MB21D2: variants seen among roughly 807,000 people sequenced by gnomAD.
MB21D2 encodes the protein nucleotidyltransferase MB21D2.
MB21D2 carries 9 observed loss-of-function variants against 33.3 expected under a neutral mutation model. That is an observed-to-expected ratio of 0.27 (90% confidence interval 0.16 to 0.47). The LOEUF is 0.47. Among genes scored for constraint, MB21D2 ranks in the 20% least tolerant of loss-of-function variants. The pLI is 0.99. For missense variants in MB21D2, 540 were observed against 624.6 expected, an observed-to-expected ratio of 0.86 and a Z score of 1.44; for synonymous variants, 241 against 236.3, an observed-to-expected ratio of 1.02 and a Z score of -0.18.
Position 192,798,576 on chromosome 3 carries a change from T to C in MB21D2, c.1286A>G (p.Gln429Arg), listed in dbSNP as rs1720572598. The change falls in exon 2 of 2, where the codon CAG (glutamine) becomes CGG (arginine). Residue 429 changes from glutamine to arginine, a missense_variant. Coordinates refer to ENST00000392452, the MANE Select transcript of MB21D2 (RefSeq NM_178496.4). The surrounding 1 kb of genome is among the most constrained non-coding windows in gnomAD (Gnocchi z 4.8). ...GATGCTGGTGGTGCTACCTCGCCTC[T>C]GGAGCTCCAGTGTCAGCCGGTTGGC... is the stretch of plus-strand genomic sequence containing the variant. ...KAANRLTLEL[Q>R]RRGSTTSIPS... 1 of 1,614,096 alleles carries C rather than the reference T, an allele frequency of 6.2e-7. No individual in the cohort carries two copies. The highest frequency in any genetic ancestry group is 8.5e-7 in the Non-Finnish European group (1 of 1,180,048).
At chr3:192,811,246 T>A (rs1307359182) in intron 1 of MB21D2, among the ~76,000 whole-genome samples, 1 of 152,168 alleles carries the variant, frequency 6.6e-6, no homozygotes, top group Non-Finnish European at 1.5e-5. Flanking sequence ...ATAGACAGAA[T>A]CTTTATTGGC....
intron 1 of MB21D2, among the ~76,000 whole-genome samples, chr3:192,912,186 T>C (rs895476272): frequency 1.3e-5 from 2 of 151,798 alleles, no homozygotes; most frequent in Admixed American, 6.6e-5. Context: ...CCTGCTAGAG[T>C]TGGTGGGCAA....
chr3:192,890,086 C>T (rs914466298), intron 1 of MB21D2, among the ~76,000 whole-genome samples: 4 of 152,020 alleles, frequency 2.6e-5, no homozygotes, highest in East Asian at 1.9e-4. Flanking sequence ...ATAACAGAAA[C>T]AAGAACCAAG....
chr3:192,847,497 T>C (rs575866613), intron 1 of MB21D2, among the ~76,000 whole-genome samples: 1 of 152,184 alleles, frequency 6.6e-6, no homozygotes, highest in Non-Finnish European at 1.5e-5. Flanking sequence ...TTGTAAAATA[T>C]GATCAACTCA....
chr3:192,851,477 C>CT (rs929044761), intron 1 of MB21D2, among the ~76,000 whole-genome samples: 11 of 134,478 alleles, frequency 8.2e-5, no homozygotes, highest in Admixed American at 3.0e-4. Context: ...AAATTGTACA[C>CT]TTTTTTTTTG....
chr3:192,805,814 G>A (rs112317210), intron 1 of MB21D2, among the ~76,000 whole-genome samples: 36 of 152,330 alleles, frequency 2.4e-4, no homozygotes, highest in Admixed American at 6.5e-4. Flanking sequence ...TAAGCGCATC[G>A]TAGATATTTA....
chr3:192,812,803 G>C (rs1197781686), intron 1 of MB21D2, among the ~76,000 whole-genome samples: 2 of 152,168 alleles, frequency 1.3e-5, no homozygotes, highest in Admixed American at 1.3e-4. Context: ...TATAACTATA[G>C]TGTGATCTAA....
intron 1 of MB21D2, among the ~76,000 whole-genome samples, chr3:192,858,076 G>A (rs1337248873): frequency 6.6e-6 from 1 of 152,172 alleles, no homozygotes; most frequent in Non-Finnish European, 1.5e-5. Flanking sequence ...GGTGAGCCAA[G>A]ATCACACCAC....
At chr3:192,860,713 G>A (rs1474381162) in intron 1 of MB21D2, among the ~76,000 whole-genome samples, 1 of 152,264 alleles carries the variant, frequency 6.6e-6, no homozygotes, top group African/African-American at 2.4e-5. Context: ...TTGAGAAAAC[G>A]CAAGGACTGG....
chr3:192,811,004 G>A (rs1434173633), intron 1 of MB21D2, among the ~76,000 whole-genome samples: 1 of 152,190 alleles, frequency 6.6e-6, no homozygotes, highest in Non-Finnish European at 1.5e-5. Context: ...GATGTTCCCA[G>A]CCCCTCTCCT....
At chr3:192,914,867 A>G (rs1212375630) in intron 1 of MB21D2, among the ~76,000 whole-genome samples, 2 of 152,196 alleles carry the variant, frequency 1.3e-5, no homozygotes, top group Admixed American at 1.3e-4. Context: ...GTCATTGATT[A>G]TGACAGCTGT....
intron 1 of MB21D2, among the ~76,000 whole-genome samples, chr3:192,848,082 G>A (rs1014787068): frequency 1.3e-5 from 2 of 152,132 alleles, no homozygotes; most frequent in African/African-American, 4.8e-5. Context: ...CACATACCCG[G>A]CATTACACAC....
intron 1 of MB21D2, among the ~76,000 whole-genome samples, chr3:192,888,441 A>C (rs966734174): frequency 6.6e-6 from 1 of 152,104 alleles, no homozygotes; most frequent in Non-Finnish European, 1.5e-5. Flanking sequence ...GCGCGCTCCT[A>C]AGCAACCATC....
chr3:192,869,790 G>T (rs1164292370), intron 1 of MB21D2, among the ~76,000 whole-genome samples: 1 of 152,158 alleles, frequency 6.6e-6, no homozygotes, highest in African/African-American at 2.4e-5. Flanking sequence ...CAACAAGCCT[G>T]CCACTGACAT....
At chr3:192,883,676 A>G (rs761494410) in intron 1 of MB21D2, among the ~76,000 whole-genome samples, 1 of 152,072 alleles carries the variant, frequency 6.6e-6, no homozygotes, top group Non-Finnish European at 1.5e-5. Context: ...GTTCGGTGGG[A>G]TCAGTAGACC....
chr3:192,802,423 T>C (rs1711580633), intron 1 of MB21D2, among the ~76,000 whole-genome samples: 2 of 152,166 alleles, frequency 1.3e-5, no homozygotes, highest in Admixed American at 6.5e-5. Flanking sequence ...CACTAAATAC[T>C]ATCCAAGCAA....
At chr3:192,833,528 CACAA>C (rs1253851707) in intron 1 of MB21D2, among the ~76,000 whole-genome samples, 2 of 152,088 alleles carry the variant, frequency 1.3e-5, no homozygotes, top group East Asian at 3.9e-4. Flanking sequence ...CTAAATATTC[CACAA>C]ACAATAATTA....
chr3:192,902,585 T>C (rs1577202284), intron 1 of MB21D2, among the ~76,000 whole-genome samples: 1 of 152,202 alleles, frequency 6.6e-6, no homozygotes, highest in East Asian at 1.9e-4. Flanking sequence ...CTTGAGCAAG[T>C]CACTGTTCAC....
In MB21D2 at chr3:192,810,881, TTGTGTG is replaced by T. The variant is rs35591932; in HGVS notation, c.212-11237_212-11232del. On this transcript the variant is annotated intron_variant, in intron 1 of 1. Coordinates refer to ENST00000392452, the MANE Select transcript of MB21D2 (RefSeq NM_178496.4). ...CATTTTTCCTAATATATGAGTATGC[TTGTGTG>T]TGTGTGTGTGTGCGCACGCACATGT... Among the ~76,000 whole-genome samples the T allele has an allele frequency of 6.9e-3, 1,039 of 151,566 alleles. 19 individuals carry two copies. The highest frequency in any genetic ancestry group is 0.024 in the African/African-American group (973 of 41,280).
Sources: allele counts gnomAD v4.1 joint callset (sites outside exome capture counted in the v4.1 genomes callset), GRCh38; gene constraint gnomAD v4.1.1; non-coding constraint Gnocchi (gnomAD v3.1); transcripts MANE v1.5; gene names NCBI Gene and HGNC (gene_info 2026-07-23, HGNC 2026-07-21).